The following SNX29 variants were observed in gnomAD, a reference collection of about 807,000 sequenced individuals.
SNX29 encodes sorting nexin-29.
SNX29 carries 78 observed loss-of-function variants against 102.1 expected under a neutral mutation model. The ratio of observed to expected loss-of-function variants is 0.76; its 90% CI spans 0.64 to 0.92. The LOEUF (loss-of-function observed/expected upper bound fraction) is 0.92, where lower values mean the gene tolerates loss of function less well. SNX29 is among the 40% of genes least tolerant of loss of function. SNX29 has a pLI of 0.00. For synonymous variants in SNX29, 580 were observed against 414.5 expected (o/e 1.40, Z -4.85); for missense variants, 1,280 against 1,061.7 (o/e 1.21, Z -2.86).
rs938145762 is a variant in SNX29 at position 12,571,431 on chromosome 16, T to C, written c.*2802T>C. On this transcript the variant is annotated 3_prime_UTR_variant, in exon 21 of 21. Transcript: ENST00000566228. ...CACATCTGTCTTCTTCTAAGATTACTCGGAGATTTTCAAACAACATCTGAG... is the reference window on the plus strand; with the variant it reads ...CACATCTGTCTTCTTCTAAGATTACCCGGAGATTTTCAAACAACATCTGAG... 2 of 234,786 alleles carry C rather than the reference T, an allele frequency of 8.5e-6. No homozygotes were observed. Among genetic ancestry groups the C allele is most frequent in the Admixed American group, 5.6e-5 (1 of 17,728 alleles). 14.5% of individuals were successfully genotyped at this position (234,786 alleles called of 1,614,324 possible).
chr16:12,169,223 C>A (rs1017502289), intron 13 of SNX29, among the ~76,000 whole-genome samples: 4 of 152,204 alleles, frequency 2.6e-5, no homozygotes, highest in African/African-American at 9.7e-5. Flanking sequence ...GAAGGAGAAG[C>A]CTGACAAAGC....
At chr16:12,554,677 C>G (rs1034929195) in intron 20 of SNX29, among the ~76,000 whole-genome samples, 3 of 152,198 alleles carry the variant, frequency 2.0e-5, no homozygotes, top group African/African-American at 7.2e-5. Context: ...CACAGGGATG[C>G]CAATTCTCAG....
intron 1 of SNX29, among the ~76,000 whole-genome samples, chr16:11,986,371 A>T (rs1208915201): frequency 2.7e-5 from 2 of 74,342 alleles, no homozygotes; most frequent in Non-Finnish European, 6.9e-5. Context: ...TCCTCCTACA[A>T]CTTAAAAAAA....
intron 18 of SNX29, among the ~76,000 whole-genome samples, chr16:12,431,386 C>G (rs1430679416): frequency 3.3e-5 from 5 of 150,286 alleles, no homozygotes; most frequent in Non-Finnish European, 7.4e-5. Context: ...ATTGTGATGT[C>G]TTTTGCTTTT....
chr16:12,277,903 T>C, intron 14 of SNX29, 30 bp from the exon 15 acceptor site: 2 of 1,564,072 alleles, frequency 1.3e-6, no homozygotes, highest in South Asian at 2.3e-5. Context: ...ACTGTTGAAA[T>C]ATTTATGACA....
chr16:12,522,971 C>T (rs922127064), intron 19 of SNX29, among the ~76,000 whole-genome samples: 3 of 152,252 alleles, frequency 2.0e-5, no homozygotes, highest in African/African-American at 7.2e-5. Context: ...CCACCGTGCC[C>T]GGCTACTTTT....
intron 14 of SNX29, among the ~76,000 whole-genome samples, chr16:12,271,369 G>A (rs929139787): frequency 2.8e-4 from 43 of 152,188 alleles, no homozygotes; most frequent in Non-Finnish European, 6.0e-4. Flanking sequence ...GGTTCTCTCC[G>A]TAGGAAGCTC....
chr16:12,559,516 TTG>T (rs991239277), intron 20 of SNX29, among the ~76,000 whole-genome samples: 14 of 151,968 alleles, frequency 9.2e-5, no homozygotes, highest in African/African-American at 3.4e-4. Context: ...GTAACACACT[TTG>T]TATCTCAAAA....
chr16:12,537,962 G>A (rs1204728025), intron 20 of SNX29, among the ~76,000 whole-genome samples: 1 of 143,384 alleles, frequency 7.0e-6, no homozygotes, highest in Non-Finnish European at 1.5e-5. Context: ...TCCAGCCTGG[G>A]CAATAGAGCA....
intron 18 of SNX29, among the ~76,000 whole-genome samples, chr16:12,441,919 G>T (rs952546126): frequency 3.3e-5 from 5 of 151,670 alleles, no homozygotes; most frequent in African/African-American, 9.8e-5. Flanking sequence ...CTCCCAAGTA[G>T]CTGGAATTAA....
rs554413995 is a variant in SNX29, at chr16:12,571,070, G to A, written c.*2441G>A. On this transcript the variant is annotated 3_prime_UTR_variant, in exon 21 of 21. Coordinates refer to ENST00000566228, the MANE Select transcript of SNX29 (RefSeq NM_032167.5). ...CTCACTCTAAAAATGCTGGTGGCCC[G>A]CACATGACAGCAACTCCCCGAAGCC... The A allele has an allele frequency of 5.2e-5, 12 of 232,396 alleles. No individual in the cohort carries two copies. In the South Asian group the frequency reaches 5.4e-4, roughly 11 times the overall value. 14.4% of individuals were successfully genotyped at this position (232,396 alleles called of 1,614,324 possible). A position where few individuals can be genotyped will look rare whatever the true frequency, so the allele number is the denominator to read the frequency against.
chr16:12,259,128 C>T (rs890485358), intron 14 of SNX29, among the ~76,000 whole-genome samples: 2 of 152,136 alleles, frequency 1.3e-5, no homozygotes, highest in African/African-American at 4.8e-5. Flanking sequence ...TTAAGATTTT[C>T]CGGGAAGTTG....
intron 14 of SNX29, among the ~76,000 whole-genome samples, chr16:12,272,179 C>A (rs531757007): frequency 6.6e-6 from 1 of 152,196 alleles, no homozygotes; most frequent in African/African-American, 2.4e-5. Context: ...TCTGCCCCCA[C>A]CAGTGTTGAA....
intron 13 of SNX29, among the ~76,000 whole-genome samples, chr16:12,134,597 G>T (rs966393575): frequency 6.6e-6 from 1 of 152,210 alleles, no homozygotes; most frequent in Non-Finnish European, 1.5e-5. Context: ...GCGCACCCAA[G>T]ATGGAAGCCA....
intron 1 of SNX29, among the ~76,000 whole-genome samples, chr16:11,981,483 C>G (rs573013226): frequency 2.0e-5 from 3 of 152,194 alleles, no homozygotes; most frequent in African/African-American, 7.2e-5. Flanking sequence ...TCTCCTTTTC[C>G]CCCTTGCATT....
intron 15 of SNX29, among the ~76,000 whole-genome samples, chr16:12,307,036 G>A (rs946799126): frequency 6.6e-6 from 1 of 152,204 alleles, no homozygotes; most frequent in African/African-American, 2.4e-5. Context: ...GGCCTTACAA[G>A]GGAGGGGAGT....
At chr16:12,453,659 G>A (rs1389249950) in intron 18 of SNX29, among the ~76,000 whole-genome samples, 1 of 152,096 alleles carries the variant, frequency 6.6e-6, no homozygotes, top group Non-Finnish European at 1.5e-5. Flanking sequence ...GGGATTAGAG[G>A]CATGAGCCAC....
At chr16:12,454,948 A>G (rs2086470953) in intron 18 of SNX29, among the ~76,000 whole-genome samples, 1 of 151,998 alleles carries the variant, frequency 6.6e-6, no homozygotes, top group African/African-American at 2.4e-5. Flanking sequence ...GGGTTTCACC[A>G]TTTTGGCCAA....
intron 16 of SNX29, among the ~76,000 whole-genome samples, chr16:12,393,806 A>G (rs1468377507): frequency 6.6e-6 from 1 of 152,380 alleles, no homozygotes; most frequent in South Asian, 2.1e-4. Flanking sequence ...TCCTTGGCAC[A>G]TAGTAATTGT....
Sources: gnomAD v4.1 joint callset for allele counts (sites outside exome capture counted in the v4.1 genomes callset) on GRCh38, gnomAD v4.1.1 for gene constraint, MANE v1.5 for transcripts, NCBI Gene and HGNC (gene_info 2026-07-23, HGNC 2026-07-21) for gene names.